CNTNAP5: variants seen among roughly 807,000 people sequenced by gnomAD.
CNTNAP5 encodes the protein contactin-associated protein-like 5.
CNTNAP5 carries 72 observed loss-of-function variants against 150.2 expected under a neutral mutation model. The observed-to-expected ratio is 0.48, with a 90% CI of 0.40 to 0.58. The LOEUF is 0.58. Ranked by LOEUF, CNTNAP5 falls within the 20% of genes least tolerant of loss-of-function variation. The pLI is 0.00. For synonymous variants in CNTNAP5, 672 were observed against 619.8 expected (o/e 1.08, Z -1.25); for missense variants, 1,636 against 1,626.2 (o/e 1.01, Z -0.10).
intron 1 of CNTNAP5, among the ~76,000 whole-genome samples, chr2:124,090,522 C>T (rs1393937703): frequency 6.6e-6 from 1 of 152,098 alleles, no homozygotes; most frequent in Non-Finnish European, 1.5e-5. Context: ...GCTAAGGTAA[C>T]TAAAGAAGAA....
chr2:124,218,932 C>T (rs185593848), intron 1 of CNTNAP5, among the ~76,000 whole-genome samples: 321 of 152,254 alleles, frequency 2.1e-3, no homozygotes, highest in Middle Eastern at 0.014. Context: ...GAGGTCTAGA[C>T]TTTATTTTAC....
At chr2:124,250,060 G>A (rs1687135573) in intron 3 of CNTNAP5, among the ~76,000 whole-genome samples, 1 of 151,844 alleles carries the variant, frequency 6.6e-6, no homozygotes, top group Non-Finnish European at 1.5e-5. Context: ...TGGATTCTGT[G>A]ACCATGATAA....
At chr2:124,599,780 A>C (rs1447342839) in intron 11 of CNTNAP5, among the ~76,000 whole-genome samples, 6 of 152,156 alleles carry the variant, frequency 3.9e-5, no homozygotes, top group Admixed American at 3.9e-4. Context: ...TCAGTGACCC[A>C]GGCTGGAATG....
At chr2:124,217,133 TG>T (rs1686178198) in intron 1 of CNTNAP5, among the ~76,000 whole-genome samples, 1 of 152,206 alleles carries the variant, frequency 6.6e-6, no homozygotes, top group African/African-American at 2.4e-5. Flanking sequence ...GGTTCATTCT[TG>T]GAAAGTGATT....
chr2:124,501,989 G>A (rs1461179138), intron 7 of CNTNAP5, among the ~76,000 whole-genome samples: 1 of 152,200 alleles, frequency 6.6e-6, no homozygotes, highest in African/African-American at 2.4e-5. Context: ...AGAGGGAAGT[G>A]TGAAGGGAAT....
At chr2:124,606,941 G>T (rs148555031) in intron 11 of CNTNAP5, among the ~76,000 whole-genome samples, 1 of 152,054 alleles carries the variant, frequency 6.6e-6, no homozygotes, top group African/African-American at 2.4e-5. Context: ...ATAAAAAAAG[G>T]AGAGGCAACA....
At chr2:124,551,058 A>G (rs1307805133) in intron 10 of CNTNAP5, among the ~76,000 whole-genome samples, 2 of 152,112 alleles carry the variant, frequency 1.3e-5, no homozygotes, top group Non-Finnish European at 2.9e-5. Context: ...GAGTAGAGAG[A>G]GGACCTTTCC....
At chr2:124,116,496 A>C (rs527990275) in intron 1 of CNTNAP5, among the ~76,000 whole-genome samples, 1 of 152,294 alleles carries the variant, frequency 6.6e-6, no homozygotes, top group Non-Finnish European at 1.5e-5. Flanking sequence ...CCATGTACTT[A>C]GTCCCCTGAG....
At chr2:124,371,112 G>T (rs751430333) in intron 3 of CNTNAP5, among the ~76,000 whole-genome samples, 1 of 152,110 alleles carries the variant, frequency 6.6e-6, no homozygotes, top group African/African-American at 2.4e-5. Flanking sequence ...TCTCACATAA[G>T]TGTCTATGAC....
intron 12 of CNTNAP5, among the ~76,000 whole-genome samples, chr2:124,622,007 T>G (rs1466889899): frequency 6.6e-6 from 1 of 151,898 alleles, no homozygotes; most frequent in African/African-American, 2.4e-5. Context: ...GATGTGGAGG[T>G]TTTTTACATA....
chr2:124,296,250 A>G (rs1012767412), intron 3 of CNTNAP5, among the ~76,000 whole-genome samples: 10 of 152,176 alleles, frequency 6.6e-5, no homozygotes, highest in Non-Finnish European at 1.5e-4. Context: ...ACAAAGATTT[A>G]TTTCTCAGGT....
chr2:124,146,623 A>G (rs1220207204), intron 1 of CNTNAP5, among the ~76,000 whole-genome samples: 1 of 152,176 alleles, frequency 6.6e-6, no homozygotes, highest in African/African-American at 2.4e-5. Flanking sequence ...TTCTACTTCC[A>G]AAGAATATTT....
chr2:124,081,444 T>G (rs1158649987), intron 1 of CNTNAP5, among the ~76,000 whole-genome samples: 1 of 152,206 alleles, frequency 6.6e-6, no homozygotes, highest in Non-Finnish European at 1.5e-5. Flanking sequence ...CAACCTTCTT[T>G]TAGGTGCTCT....
intron 13 of CNTNAP5, among the ~76,000 whole-genome samples, chr2:124,658,878 G>C (rs1254267429): frequency 6.6e-6 from 1 of 152,192 alleles, no homozygotes; most frequent in East Asian, 1.9e-4. Context: ...CTCTGAGCTT[G>C]CTTTTCAGGG....
chr2:124,186,780 G>A (rs978431602), intron 1 of CNTNAP5, among the ~76,000 whole-genome samples: 2 of 152,056 alleles, frequency 1.3e-5, no homozygotes, highest in African/African-American at 4.8e-5. Flanking sequence ...GAACCACCAG[G>A]GCCCTCCTAT....
At chr2:124,602,199 G>T (rs1697001055) in intron 11 of CNTNAP5, among the ~76,000 whole-genome samples, 1 of 151,786 alleles carries the variant, frequency 6.6e-6, no homozygotes, top group African/African-American at 2.4e-5. Context: ...AAAAGTAGCT[G>T]GGCATAGTGG....
At chr2:124,390,270 T>A (rs1373232231) in intron 3 of CNTNAP5, among the ~76,000 whole-genome samples, 2 of 152,246 alleles carry the variant, frequency 1.3e-5, no homozygotes, top group Non-Finnish European at 2.9e-5. Context: ...CTCATCTGCA[T>A]CTTCCGATTA....
chr2:124,380,895 T>C (rs572047461), intron 3 of CNTNAP5, among the ~76,000 whole-genome samples: 2 of 152,142 alleles, frequency 1.3e-5, no homozygotes, highest in Non-Finnish European at 2.9e-5. Flanking sequence ...GATAATGATA[T>C]GTGTCACGCA....
At chr2:124,393,934 T>A (rs1440607368) in intron 3 of CNTNAP5, among the ~76,000 whole-genome samples, 1 of 152,260 alleles carries the variant, frequency 6.6e-6, no homozygotes, top group Non-Finnish European at 1.5e-5. Flanking sequence ...TAGCGGTTTA[T>A]CCTGGCTTCT....
Sources: allele counts gnomAD v4.1 joint callset (sites outside exome capture counted in the v4.1 genomes callset), GRCh38; gene constraint gnomAD v4.1.1; transcripts MANE v1.5; gene names NCBI Gene and HGNC (gene_info 2026-07-23, HGNC 2026-07-21).